Variants in RPF2 observed in about 807,000 individuals in gnomAD.
RPF2 encodes the protein ribosome production factor 2 homolog.
A neutral mutation model predicts 38.9 loss-of-function variants in RPF2; 21 were observed. That is an observed-to-expected ratio of 0.54 (90% CI 0.38 to 0.78). RPF2 has a LOEUF of 0.78. RPF2 is among the 30% of genes least tolerant of loss of function. The probability of loss-of-function intolerance (pLI) is 0.00; values close to 1 mark genes in which losing one functional copy is unlikely to be tolerated. For synonymous variants in RPF2, 121 were observed against 126.2 expected (o/e 0.96, Z 0.28); for missense variants, 314 against 358.1 (o/e 0.88, Z 0.99).
intron 8 of RPF2, among the ~76,000 whole-genome samples, chr6:111,023,744 T>C (rs1365277668): frequency 2.0e-5 from 3 of 152,050 alleles, no homozygotes; most frequent in Non-Finnish European, 4.4e-5. Flanking sequence ...TCCCAGTACT[T>C]TGGGAGGCCG....
chr6:111,025,241 C>A (rs1772303250), intron 9 of RPF2, among the ~76,000 whole-genome samples, 162 bp from the exon 10 acceptor site: 1 of 152,134 alleles, frequency 6.6e-6, no homozygotes, highest in African/African-American at 2.4e-5. Flanking sequence ...GATTTGTATG[C>A]ACACTTAAGT....
chr6:111,002,773 C>G (rs1339167900), intron 6 of RPF2, among the ~76,000 whole-genome samples: 1 of 148,352 alleles, frequency 6.7e-6, no homozygotes, highest in African/African-American at 2.5e-5. Flanking sequence ...ATTAGGCAGT[C>G]TTTTTTTTTT....
intron 1 of RPF2, 130 bp from the exon 2 acceptor site, chr6:110,984,876 G>A (rs1040858091): frequency 2.1e-5 from 21 of 1,011,368 alleles, no homozygotes; most frequent in Non-Finnish European, 2.9e-5. Context: ...AAAAAAGAAA[G>A]TGAGATTTTT....
chr6:111,024,946 C>CA (rs1335785757), intron 9 of RPF2, among the ~76,000 whole-genome samples: 1 of 152,170 alleles, frequency 6.6e-6, no homozygotes, highest in Non-Finnish European at 1.5e-5. Context: ...ATTTAGAGTA[C>CA]AGGGTATATA....
intron 5 of RPF2, among the ~76,000 whole-genome samples, chr6:110,999,188 A>G (rs969192747): frequency 1.2e-4 from 18 of 152,216 alleles, no homozygotes; most frequent in South Asian, 1.0e-3. Flanking sequence ...ATGCAGCACA[A>G]TTACTTTATA....
At chr6:111,016,837 G>A (rs1051321188) in intron 8 of RPF2, among the ~76,000 whole-genome samples, 7 of 151,512 alleles carry the variant, frequency 4.6e-5, no homozygotes, top group Admixed American at 3.3e-4. Context: ...GCGGCCTTCC[G>A]CAGTGTTTGT....
intron 8 of RPF2, among the ~76,000 whole-genome samples, chr6:111,021,343 G>A (rs776116180): frequency 6.6e-6 from 1 of 152,176 alleles, no homozygotes; most frequent in Admixed American, 6.5e-5. Context: ...ATCACTAGAT[G>A]TTCCATATGT....
intron 5 of RPF2, among the ~76,000 whole-genome samples, chr6:110,998,835 C>T (rs981326789): frequency 2.0e-5 from 3 of 151,312 alleles, no homozygotes; most frequent in African/African-American, 7.3e-5. Flanking sequence ...ATCCTAGTTA[C>T]ACAGGAGGCT....
intron 8 of RPF2, among the ~76,000 whole-genome samples, chr6:111,017,013 T>G (rs1267545540): frequency 2.6e-5 from 4 of 152,172 alleles, no homozygotes; most frequent in African/African-American, 9.7e-5. Context: ...AGGTCATAGA[T>G]CAACAGCATC....
Position 110,997,900 on chromosome 6 carries a change from T to C in RPF2, c.316+636T>C, listed in dbSNP as rs1771745309. Reference sequence around the variant, plus strand: ...TTCTCCCTTGATTTTTCTTTTCTTCTTTTTTTTTTTTTTTCCTGAGACGGA... The same window carrying C: ...TTCTCCCTTGATTTTTCTTTTCTTCCTTTTTTTTTTTTTTCCTGAGACGGA... On this transcript the variant is annotated intron_variant, in intron 5 of 9. Coordinates refer to ENST00000441448, the MANE Select transcript of RPF2 (RefSeq NM_032194.3). 6.1e-5 allele frequency among the ~76,000 whole-genome samples: 6 copies of C among 97,672 alleles called. No homozygotes were observed. In the South Asian group the frequency reaches 2.6e-3, roughly 42 times the overall value. The allele number at this position is 97,672 out of a possible 152,430, so 64.1% of individuals were successfully genotyped here. A position where few individuals can be genotyped will look rare whatever the true frequency, so the allele number is the denominator to read the frequency against.
chr6:110,982,157 G>A (rs1771443057), intron 1 of RPF2, 28 bp downstream of exon 1: 3 of 1,613,700 alleles, frequency 1.9e-6, no homozygotes, highest in Middle Eastern at 1.7e-4. Context: ...CAGCCCCGGG[G>A]AGCGTTGGGG....
intron 2 of RPF2, among the ~76,000 whole-genome samples, chr6:110,987,062 G>A (rs893003814): frequency 2.0e-5 from 3 of 151,734 alleles, no homozygotes; most frequent in Non-Finnish European, 2.9e-5. Flanking sequence ...TTAAGTAATC[G>A]AATACATTTT....
chr6:110,983,440 T>C (rs1234125041), intron 1 of RPF2, among the ~76,000 whole-genome samples: 1 of 152,052 alleles, frequency 6.6e-6, no homozygotes, highest in Non-Finnish European at 1.5e-5. Flanking sequence ...TCGACCTCCC[T>C]GGGATCAAGC....
At chr6:111,001,435 T>A (rs1306853465) in intron 6 of RPF2, among the ~76,000 whole-genome samples, 1 of 152,114 alleles carries the variant, frequency 6.6e-6, no homozygotes, top group Non-Finnish European at 1.5e-5. Context: ...TGGGGCGCAG[T>A]GGCGCGATCT....
intron 8 of RPF2, among the ~76,000 whole-genome samples, chr6:111,020,209 C>T (rs997124154): frequency 2.0e-5 from 3 of 151,954 alleles, no homozygotes; most frequent in East Asian, 1.9e-4. Flanking sequence ...TGAGCCACCG[C>T]GCCTGACCTG....
chr6:111,022,041 A>G (rs1346863761), intron 8 of RPF2, among the ~76,000 whole-genome samples: 2 of 152,232 alleles, frequency 1.3e-5, no homozygotes, highest in African/African-American at 4.8e-5. Context: ...GACTATTTAT[A>G]TCCGTTGGGA....
At chr6:111,003,819 T>C (rs529215360) in intron 6 of RPF2, among the ~76,000 whole-genome samples, 2 of 152,040 alleles carry the variant, frequency 1.3e-5, no homozygotes, top group Non-Finnish European at 2.9e-5. Flanking sequence ...TGAGGCCTCA[T>C]GTCTCCCCCA....
intron 3 of RPF2, 148 bp downstream of exon 3, chr6:110,989,213 T>G (rs1771575762): frequency 1.2e-6 from 1 of 859,110 alleles, no homozygotes; most frequent in Non-Finnish European, 1.6e-6. Context: ...TTTCTTTTGG[T>G]CTGTTTTTTT....
At chr6:111,002,821 T>A (rs1771833540) in intron 6 of RPF2, among the ~76,000 whole-genome samples, 1 of 150,442 alleles carries the variant, frequency 6.6e-6, no homozygotes, top group Admixed American at 6.7e-5. Flanking sequence ...TAGGCAGGAG[T>A]ACAGTGGCAT....
Sources: allele counts gnomAD v4.1 joint callset (sites outside exome capture counted in the v4.1 genomes callset), GRCh38; gene constraint gnomAD v4.1.1; transcripts MANE v1.5; gene names NCBI Gene and HGNC (gene_info 2026-07-23, HGNC 2026-07-21).